Variants in SLC3A1 observed in about 807,000 individuals in gnomAD.
The protein encoded by SLC3A1 is amino acid transporter heavy chain SLC3A1.
Under a neutral mutation model 60.3 loss-of-function variants are expected in SLC3A1, and 78 were observed. The observed-to-expected ratio is 1.29, with a 90% confidence interval of 1.08 to 1.56. The LOEUF (loss-of-function observed/expected upper bound fraction) is 1.56. Among genes scored for constraint, SLC3A1 ranks in the 40% most tolerant of loss-of-function variants. SLC3A1 has a pLI of 0.00. For missense variants in SLC3A1, 1,172 were observed against 858.9 expected (o/e 1.36, Z -4.56); for synonymous variants, 392 against 307.9 (o/e 1.27, Z -2.86).
At chr2:44,321,926 T>G (rs1178868330), downstream of SLC3A1, 1 of 1,601,084 alleles carries the variant, frequency 6.2e-7, no homozygotes, top group East Asian at 2.2e-5. Flanking sequence ...TGTAGAACAA[T>G]TAGAAGATTG....
chr2:44,295,071 T>C (rs1057028272), intron 4 of SLC3A1, among the ~76,000 whole-genome samples: 2 of 152,144 alleles, frequency 1.3e-5, no homozygotes, highest in African/African-American at 2.4e-5. Flanking sequence ...TATCATCCCA[T>C]GTAAGAGTAG....
chr2:44,280,100 G>C (rs115779221), intron 1 of SLC3A1, among the ~76,000 whole-genome samples: 2,458 of 152,204 alleles, frequency 0.016, 33 homozygotes, highest in Middle Eastern at 0.085. Context: ...GCATAGATTA[G>C]CTGCTCAAAA....
intron 9 of SLC3A1, chr2:44,314,945 T>C (rs906177809): frequency 6.9e-6 from 1 of 145,936 alleles, no homozygotes; most frequent in Non-Finnish European, 1.5e-5. Flanking sequence ...TTTTTTTTTT[T>C]TTTGAGATGG....
chr2:44,292,766 GATAT>G (rs143258394), intron 4 of SLC3A1, among the ~76,000 whole-genome samples: 2,376 of 152,246 alleles, frequency 0.016, 72 homozygotes, highest in African/African-American at 0.055. Flanking sequence ...ACTGGGATGT[GATAT>G]ATAGAGCAGG....
chr2:44,308,125 G>A (rs1304681260), intron 7 of SLC3A1, among the ~76,000 whole-genome samples: 2 of 152,064 alleles, frequency 1.3e-5, no homozygotes, highest in Non-Finnish European at 2.9e-5. Flanking sequence ...GTGACAGAGT[G>A]AGACCCCGTC....
chr2:44,309,135 G>T (rs1289940073), intron 7 of SLC3A1, among the ~76,000 whole-genome samples: 1 of 152,120 alleles, frequency 6.6e-6, no homozygotes, highest in East Asian at 1.9e-4. Context: ...TCAAAATGTT[G>T]TACAACCATC....
chr2:44,311,086 T>C (rs1223397154), intron 7 of SLC3A1, among the ~76,000 whole-genome samples: 1 of 152,152 alleles, frequency 6.6e-6, no homozygotes, highest in Non-Finnish European at 1.5e-5. Context: ...GGAGCCACAG[T>C]GCCTGGCCTC....
chr2:44,303,094 G>C (rs772356951), intron 6 of SLC3A1, among the ~76,000 whole-genome samples: 3 of 151,440 alleles, frequency 2.0e-5, no homozygotes, highest in Non-Finnish European at 4.4e-5. Context: ...CTAGCTACTC[G>C]GGAGGCTGAG....
At chr2:44,308,187 G>T (rs1007987628) in intron 7 of SLC3A1, among the ~76,000 whole-genome samples, 2 of 152,164 alleles carry the variant, frequency 1.3e-5, no homozygotes, top group African/African-American at 2.4e-5. Context: ...TAGATTTCCA[G>T]ACTCTCAGTT....
chr2:44,313,241 A>C (rs550085307), intron 8 of SLC3A1, among the ~76,000 whole-genome samples: 2 of 152,226 alleles, frequency 1.3e-5, no homozygotes, highest in East Asian at 1.9e-4. Flanking sequence ...CCTCAGAGTT[A>C]AGCAGTTTTT....
At chr2:44,282,020 C>T (rs190545955) in intron 3 of SLC3A1, among the ~76,000 whole-genome samples, 1 of 152,016 alleles carries the variant, frequency 6.6e-6, no homozygotes, top group African/African-American at 2.4e-5. Context: ...TACAGGCGCG[C>T]GTCATCATAC....
At chr2:44,281,739 C>T (rs1406663979) in intron 3 of SLC3A1, among the ~76,000 whole-genome samples, 198 bp downstream of exon 3, 1 of 152,186 alleles carries the variant, frequency 6.6e-6, no homozygotes, top group African/African-American at 2.4e-5. Flanking sequence ...TTTCTGATTT[C>T]ATCATAGAGA....
intron 5 of SLC3A1, among the ~76,000 whole-genome samples, 197 bp from the exon 6 acceptor site, chr2:44,300,806 A>T (rs1671984136): frequency 6.6e-6 from 1 of 152,144 alleles, no homozygotes; most frequent in Non-Finnish European, 1.5e-5. Flanking sequence ...TTTATTAGAG[A>T]AATATTGCTT....
chr2:44,301,251 G>A, intron 6 of SLC3A1, 124 bp downstream of exon 6: 3 of 1,277,892 alleles, frequency 2.3e-6, no homozygotes, highest in African/African-American at 1.5e-5. Flanking sequence ...AACTCTAATT[G>A]ATTACAGTTT....
Position 44,321,326 on chromosome 2 carries a change from T to C in SLC3A1, c.*687T>C, listed in dbSNP as rs372558919. On this transcript the variant is annotated 3_prime_UTR_variant, in exon 10 of 10. Coordinates refer to ENST00000260649, the MANE Select transcript of SLC3A1 (RefSeq NM_000341.4). The stretch of plus-strand genomic sequence containing the variant: ...AGTAAGACTATGAAATATTTCAGTG[T>C]GTTTCCAATTCCCAGTTGAATGCAG... 1.1e-5 allele frequency: 17 copies of C among 1,521,046 alleles called. No individual in the cohort carries two copies. In the African/African-American group the frequency reaches 2.2e-4, roughly 20 times the overall value. The allele number at this position is 1,521,046 out of a possible 1,614,324, so 94.2% of individuals were successfully genotyped here. A position where few individuals can be genotyped will look rare whatever the true frequency, so the allele number is the denominator to read the frequency against.
intron 4 of SLC3A1, among the ~76,000 whole-genome samples, chr2:44,296,179 T>G (rs1197898254): frequency 6.6e-6 from 1 of 152,234 alleles, no homozygotes; most frequent in Non-Finnish European, 1.5e-5. Flanking sequence ...TGTCACTTCC[T>G]GTTTGCCAGC....
intron 4 of SLC3A1, among the ~76,000 whole-genome samples, chr2:44,289,448 C>A (rs976295032): frequency 6.6e-6 from 1 of 151,782 alleles, no homozygotes; most frequent in Admixed American, 6.6e-5. Flanking sequence ...TGGTCTCAAG[C>A]AATCCTCCTG....
chr2:44,276,720 G>T (rs541776333), intron 1 of SLC3A1, among the ~76,000 whole-genome samples: 1 of 152,020 alleles, frequency 6.6e-6, no homozygotes, highest in African/African-American at 2.4e-5. Flanking sequence ...AAAAAAAAGT[G>T]AAAAATTATT....
At chr2:44,302,649 TTCC>T (rs1672043510) in intron 6 of SLC3A1, among the ~76,000 whole-genome samples, 1 of 152,208 alleles carries the variant, frequency 6.6e-6, no homozygotes, top group Admixed American at 6.5e-5. Flanking sequence ...TGAATGTGTC[TTCC>T]CCCAGGGTTT....
Sources: gnomAD v4.1 joint callset for allele counts (sites outside exome capture counted in the v4.1 genomes callset) on GRCh38, gnomAD v4.1.1 for gene constraint, MANE v1.5 for transcripts, NCBI Gene and HGNC (gene_info 2026-07-23, HGNC 2026-07-21) for gene names.